The following CNTN4 variants were observed in gnomAD, a reference collection of about 807,000 sequenced individuals.
The protein encoded by CNTN4 is contactin 4.
CNTN4 carries 77 observed loss-of-function variants against 122.5 expected under a neutral mutation model. The observed-to-expected ratio is 0.63, with a 90% CI of 0.52 to 0.76. The LOEUF (loss-of-function observed/expected upper bound fraction) is 0.76. CNTN4 is among the 30% of genes least tolerant of loss of function. The pLI is 0.00. For missense variants in CNTN4, 1,256 were observed against 1,259.1 expected, an observed-to-expected ratio of 1.00 and a Z score of 0.04; for synonymous variants, 512 against 447.0, an observed-to-expected ratio of 1.15 and a Z score of -1.83.
intron 3 of CNTN4, among the ~76,000 whole-genome samples, chr3:2,553,127 A>G (rs2078582416): frequency 6.6e-6 from 1 of 152,198 alleles, no homozygotes; most frequent in South Asian, 2.1e-4. Flanking sequence ...AACACCACAC[A>G]AAGTAATTGG....
At chr3:2,189,563 C>T (rs1462819314) in intron 2 of CNTN4, among the ~76,000 whole-genome samples, 2 of 152,044 alleles carry the variant, frequency 1.3e-5, no homozygotes, top group Non-Finnish European at 2.9e-5. Flanking sequence ...AGATTGATAC[C>T]CTGAGAGAGG....
chr3:2,306,554 C>A (rs544861307), intron 2 of CNTN4, among the ~76,000 whole-genome samples: 95 of 152,170 alleles, frequency 6.2e-4, no homozygotes, highest in African/African-American at 2.2e-3. Flanking sequence ...GCTATGTAGT[C>A]TAAGTCGTCA....
At chr3:2,463,890 C>A (rs986085825) in intron 3 of CNTN4, among the ~76,000 whole-genome samples, 1 of 152,150 alleles carries the variant, frequency 6.6e-6, no homozygotes, top group African/African-American at 2.4e-5. Flanking sequence ...GAGGAAGATG[C>A]TGCCTTTATA....
intron 14 of CNTN4, among the ~76,000 whole-genome samples, chr3:3,007,287 G>T (rs996978216): frequency 2.0e-5 from 3 of 152,270 alleles, no homozygotes; most frequent in South Asian, 2.1e-4. Flanking sequence ...GAAGGATGGT[G>T]GTGTGAGCAC....
intron 7 of CNTN4, among the ~76,000 whole-genome samples, chr3:2,830,375 A>T (rs1403320089): frequency 6.6e-6 from 1 of 152,236 alleles, no homozygotes; most frequent in African/African-American, 2.4e-5. Context: ...GGCCAAACAC[A>T]TTAGTACCGA....
chr3:2,111,579 A>C (rs958122032), intron 2 of CNTN4, among the ~76,000 whole-genome samples: 1 of 152,158 alleles, frequency 6.6e-6, no homozygotes, highest in Non-Finnish European at 1.5e-5. Context: ...CTGGAGGCAG[A>C]CTTGGTGATT....
intron 2 of CNTN4, among the ~76,000 whole-genome samples, chr3:2,243,642 A>G (rs1008160151): frequency 6.6e-6 from 1 of 152,148 alleles, no homozygotes; most frequent in Admixed American, 6.5e-5. Flanking sequence ...ATTAGTAATG[A>G]GTAAATAAAC....
intron 3 of CNTN4, among the ~76,000 whole-genome samples, chr3:2,370,820 C>G (rs945987801): frequency 3.3e-5 from 5 of 152,040 alleles, no homozygotes; most frequent in Admixed American, 2.0e-4. Context: ...ACCAGTTTTC[C>G]AAATTACATG....
At chr3:2,398,221 T>A (rs2046710699) in intron 3 of CNTN4, among the ~76,000 whole-genome samples, 1 of 152,096 alleles carries the variant, frequency 6.6e-6, no homozygotes, top group African/African-American at 2.4e-5. Flanking sequence ...AGAATAGGAT[T>A]TATATCCAAA....
intron 6 of CNTN4, among the ~76,000 whole-genome samples, chr3:2,746,219 A>G (rs538372183): frequency 1.7e-4 from 26 of 152,338 alleles, no homozygotes; most frequent in Admixed American, 1.6e-3. Context: ...AAAACTCAGT[A>G]GTCAATTAAT....
intron 2 of CNTN4, among the ~76,000 whole-genome samples, chr3:2,304,747 A>G (rs2042642955): frequency 6.6e-6 from 1 of 151,088 alleles, no homozygotes; most frequent in Non-Finnish European, 1.5e-5. Flanking sequence ...TCTCTAAGCC[A>G]CATACATTAC....
chr3:2,110,767 G>T (rs1390966232), intron 2 of CNTN4: 3 of 151,874 alleles, frequency 2.0e-5, no homozygotes, highest in Admixed American at 6.6e-5. Context: ...GTAATGGTAT[G>T]GGTGTTTCAC....
At chr3:2,416,934 G>C (rs1034447961) in intron 3 of CNTN4, among the ~76,000 whole-genome samples, 1 of 151,738 alleles carries the variant, frequency 6.6e-6, no homozygotes, top group South Asian at 2.1e-4. Context: ...GATTACACGC[G>C]TGAGCCACCG....
At chr3:2,253,754 G>T (rs978919046) in intron 2 of CNTN4, among the ~76,000 whole-genome samples, 1 of 151,624 alleles carries the variant, frequency 6.6e-6, no homozygotes, top group Non-Finnish European at 1.5e-5. Context: ...CTATCCTCCC[G>T]CCTCAGCCTT....
intron 14 of CNTN4, among the ~76,000 whole-genome samples, chr3:3,012,018 C>A (rs1024802893): frequency 2.0e-5 from 3 of 152,150 alleles, no homozygotes; most frequent in Admixed American, 2.0e-4. Context: ...AATTAACTGA[C>A]TTACAAGTCA....
chr3:2,830,988 C>G (rs151159418), intron 7 of CNTN4, among the ~76,000 whole-genome samples: 1 of 152,130 alleles, frequency 6.6e-6, no homozygotes, highest in South Asian at 2.1e-4. Context: ...TTACCACTCT[C>G]AGGGATTTTG....
At chr3:2,438,762 A>G (rs1450397246) in intron 3 of CNTN4, among the ~76,000 whole-genome samples, 1 of 152,148 alleles carries the variant, frequency 6.6e-6, no homozygotes, top group African/African-American at 2.4e-5. Flanking sequence ...ATAGCAGGCT[A>G]AAGAATGTGG....
intron 10 of CNTN4, among the ~76,000 whole-genome samples, chr3:2,899,650 A>G (rs144626614): frequency 3.9e-5 from 6 of 152,334 alleles, no homozygotes; most frequent in African/African-American, 1.4e-4. Context: ...TGTGACTTCA[A>G]TGAAGTACAG....
intron 13 of CNTN4, among the ~76,000 whole-genome samples, chr3:2,981,383 G>T (rs1189862802): frequency 6.6e-6 from 1 of 151,922 alleles, no homozygotes; most frequent in Non-Finnish European, 1.5e-5. Context: ...GTTGGAGCTT[G>T]CAGTGAGCCG....
Sources: allele counts gnomAD v4.1 joint callset (sites outside exome capture counted in the v4.1 genomes callset), GRCh38; gene constraint gnomAD v4.1.1; transcripts MANE v1.5; gene names NCBI Gene and HGNC (gene_info 2026-07-23, HGNC 2026-07-21).